MEPE: variants seen among roughly 807,000 people sequenced by gnomAD.
MEPE encodes matrix extracellular phosphoglycoprotein.
MEPE carries 7 observed loss-of-function variants against 7.3 expected under a neutral mutation model. That is an observed-to-expected ratio of 0.95 (90% CI 0.54 to 1.79). The LOEUF (loss-of-function observed/expected upper bound fraction) is 1.79. Ranked by LOEUF, MEPE falls within the 40% of genes most tolerant of loss-of-function variation. The pLI is 0.00. For missense variants in MEPE, 623 were observed against 628.2 expected (o/e 0.99, Z 0.09); for synonymous variants, 214 against 213.1 (o/e 1.00, Z -0.04).
intron 3 of MEPE, among the ~76,000 whole-genome samples, chr4:87,839,070 G>A (rs1448586247): frequency 6.6e-6 from 1 of 152,192 alleles, no homozygotes; most frequent in Non-Finnish European, 1.5e-5. Context: ...GAGTAAAGGG[G>A]AAGGTGGCTA....
chr4:87,839,868 G>A, intron 3 of MEPE: 2 of 1,542,952 alleles, frequency 1.3e-6, no homozygotes, highest in South Asian at 1.2e-5. Flanking sequence ...GTTTACTTTT[G>A]CTTGCTCTGG....
chr4:87,841,113 CAT>C (rs1452804930), intron 3 of MEPE, among the ~76,000 whole-genome samples: 2 of 152,064 alleles, frequency 1.3e-5, no homozygotes, highest in Non-Finnish European at 2.9e-5. Context: ...CATTAGTGTA[CAT>C]GTTACTTTTT....
intron 3 of MEPE, among the ~76,000 whole-genome samples, chr4:87,842,733 G>C (rs1488739866): frequency 6.6e-6 from 1 of 152,158 alleles, no homozygotes; most frequent in Non-Finnish European, 1.5e-5. Context: ...AACCTTATTA[G>C]GTGTTGCATC....
chr4:87,841,023 T>C (rs1361869970), intron 3 of MEPE, among the ~76,000 whole-genome samples: 1 of 152,220 alleles, frequency 6.6e-6, no homozygotes, highest in African/African-American at 2.4e-5. Context: ...ATAGCCATCA[T>C]ATACCACAGG....
intron 3 of MEPE, among the ~76,000 whole-genome samples, chr4:87,840,387 T>C (rs1226674840): frequency 2.6e-5 from 4 of 152,246 alleles, no homozygotes; most frequent in Non-Finnish European, 4.4e-5. Flanking sequence ...AAGGGCTATT[T>C]ACTTTTTCCA....
At chr4:87,839,542 G>A (rs747975619) in intron 3 of MEPE, 1 of 623,294 alleles carries the variant, frequency 1.6e-6, no homozygotes, top group Non-Finnish European at 2.8e-6. Flanking sequence ...ACACCCTCCT[G>A]TGGTTATAAG....
chr4:87,824,857 T>G (rs1022683086), intron 1 of MEPE, among the ~76,000 whole-genome samples: 9 of 152,168 alleles, frequency 5.9e-5, no homozygotes, highest in Admixed American at 1.3e-4. Flanking sequence ...TGTATTAGTT[T>G]TATTTTTTGA....
chr4:87,837,110 G>A (rs1030485671), intron 2 of MEPE, among the ~76,000 whole-genome samples: 4 of 152,136 alleles, frequency 2.6e-5, no homozygotes, highest in South Asian at 2.1e-4. Flanking sequence ...TCAGTAGAGC[G>A]ACTTTCTAAG....
chr4:87,844,382 A>C (rs1012586157), intron 3 of MEPE, among the ~76,000 whole-genome samples: 8 of 152,222 alleles, frequency 5.3e-5, no homozygotes, highest in African/African-American at 1.9e-4. Flanking sequence ...AATGAATTCA[A>C]ATATAGATAT....
chr4:87,824,333 C>T (rs915738001), intron 1 of MEPE, among the ~76,000 whole-genome samples: 62 of 152,182 alleles, frequency 4.1e-4, no homozygotes, highest in African/African-American at 1.5e-3. Flanking sequence ...TTACAGAATT[C>T]TGAAAGACAG....
intron 2 of MEPE, among the ~76,000 whole-genome samples, chr4:87,836,035 G>C (rs1722776533): frequency 6.6e-6 from 1 of 151,990 alleles, no homozygotes; most frequent in Non-Finnish European, 1.5e-5. Flanking sequence ...TGGGGGTATA[G>C]AGGGGACAAG....
intron 1 of MEPE, among the ~76,000 whole-genome samples, chr4:87,833,971 C>G (rs1347914544): frequency 6.6e-6 from 1 of 152,158 alleles, no homozygotes; most frequent in Non-Finnish European, 1.5e-5. Context: ...CCCAGTTCTG[C>G]CCCTTAATAT....
intron 3 of MEPE, among the ~76,000 whole-genome samples, 169 bp from the exon 4 acceptor site, chr4:87,844,808 T>C (rs1723147319): frequency 1.3e-5 from 2 of 152,184 alleles, no homozygotes; most frequent in Non-Finnish European, 1.5e-5. Context: ...TCTTTCTCCA[T>C]GAAACCTGAT....
At chr4:87,822,203 G>A (rs1331382034) in intron 1 of MEPE, among the ~76,000 whole-genome samples, 1 of 152,190 alleles carries the variant, frequency 6.6e-6, no homozygotes, top group Non-Finnish European at 1.5e-5. Context: ...TCAGTGCTTA[G>A]TCTCAGAGTC....
chr4:87,827,687 A>G (rs1560533949), intron 1 of MEPE, among the ~76,000 whole-genome samples: 1 of 152,228 alleles, frequency 6.6e-6, no homozygotes, highest in Non-Finnish European at 1.5e-5. Flanking sequence ...TATTTTAACT[A>G]CATCCTCTGA....
At chr4:87,835,215 T>C (rs1722738504) in intron 2 of MEPE, among the ~76,000 whole-genome samples, 1 of 152,226 alleles carries the variant, frequency 6.6e-6, no homozygotes, top group Admixed American at 6.5e-5. Context: ...TCTGTATTTC[T>C]TGCAACACCC....
chr4:87,827,666 CATTATA>C (rs1359129493), intron 1 of MEPE, among the ~76,000 whole-genome samples: 5 of 152,174 alleles, frequency 3.3e-5, no homozygotes, highest in Admixed American at 6.5e-5. Flanking sequence ...GGGCTAGCAT[CATTATA>C]ATTATATTTT....
chr4:87,842,107 T>C (rs895645739), intron 3 of MEPE, among the ~76,000 whole-genome samples: 1 of 152,174 alleles, frequency 6.6e-6, no homozygotes, highest in Admixed American at 6.5e-5. Flanking sequence ...ACACAGCCCA[T>C]AAACGGCAGT....
chr4:87,826,394 T>G (rs1198123422), intron 1 of MEPE, among the ~76,000 whole-genome samples: 1 of 151,552 alleles, frequency 6.6e-6, no homozygotes, highest in Non-Finnish European at 1.5e-5. Flanking sequence ...TTTTTTTTGT[T>G]TTTGTTTTTT....
Sources: allele counts gnomAD v4.1 joint callset (sites outside exome capture counted in the v4.1 genomes callset), GRCh38; gene constraint gnomAD v4.1.1; transcripts MANE v1.5; gene names NCBI Gene and HGNC (gene_info 2026-07-23, HGNC 2026-07-21).